Variants in PDGFD observed in about 807,000 individuals in gnomAD.
The protein encoded by PDGFD is platelet-derived growth factor D.
PDGFD carries 30 observed loss-of-function variants against 44.7 expected under a neutral mutation model. The ratio of observed to expected loss-of-function variants is 0.67; its 90% CI spans 0.50 to 0.91. PDGFD has a LOEUF of 0.91. Among genes scored for constraint, PDGFD ranks in the 40% least tolerant of loss-of-function variants. PDGFD has a pLI of 0.00. For synonymous variants in PDGFD, 173 were observed against 168.4 expected (o/e 1.03, Z -0.21); for missense variants, 445 against 457.8 (o/e 0.97, Z 0.25).
At chr11:103,938,579 T>A (rs1048455497) in intron 5 of PDGFD, among the ~76,000 whole-genome samples, 2 of 152,200 alleles carry the variant, frequency 1.3e-5, no homozygotes, top group Non-Finnish European at 2.9e-5. Context: ...TTTGTCAATT[T>A]TGGCTTTTGT....
intron 3 of PDGFD, among the ~76,000 whole-genome samples, chr11:103,962,885 A>C (rs1858961210): frequency 6.6e-6 from 1 of 152,094 alleles, no homozygotes; most frequent in African/African-American, 2.4e-5. Context: ...TTTCTAACAT[A>C]TTATTTTTTT....
At chr11:104,149,819 C>T (rs971705276) in intron 1 of PDGFD, among the ~76,000 whole-genome samples, 1 of 152,148 alleles carries the variant, frequency 6.6e-6, no homozygotes, top group South Asian at 2.1e-4. Context: ...AAACTTCACA[C>T]TGGACAGTGG....
At chr11:104,077,568 C>T (rs547666350) in intron 1 of PDGFD, among the ~76,000 whole-genome samples, 2 of 152,014 alleles carry the variant, frequency 1.3e-5, no homozygotes, top group South Asian at 4.2e-4. Context: ...GCAGAATATC[C>T]CTGTACAGAA....
At chr11:104,160,255 A>T (rs78358243) in intron 1 of PDGFD, among the ~76,000 whole-genome samples, 11,403 of 152,310 alleles carry the variant, frequency 0.075, 501 homozygotes, top group East Asian at 0.11. Flanking sequence ...ATACTATTAT[A>T]CTAACCAAAG....
chr11:103,967,581 C>A (rs1859039858), intron 3 of PDGFD, among the ~76,000 whole-genome samples: 1 of 152,192 alleles, frequency 6.6e-6, no homozygotes, highest in African/African-American at 2.4e-5. Flanking sequence ...TAGAGGCCCC[C>A]AAATTCATCA....
chr11:104,101,965 A>G (rs1017798111), intron 1 of PDGFD, among the ~76,000 whole-genome samples: 6 of 152,134 alleles, frequency 3.9e-5, no homozygotes, highest in African/African-American at 1.4e-4. Context: ...ACCTAAAACC[A>G]TAAAAACCCT....
intron 3 of PDGFD, among the ~76,000 whole-genome samples, chr11:103,964,480 T>C (rs1591097681): frequency 6.6e-6 from 1 of 152,206 alleles, no homozygotes; most frequent in Admixed American, 6.6e-5. Flanking sequence ...CTAGATCCCA[T>C]GTCTCCTGCC....
chr11:104,102,762 T>G (rs892126367), intron 1 of PDGFD, among the ~76,000 whole-genome samples: 3 of 152,002 alleles, frequency 2.0e-5, no homozygotes, highest in Admixed American at 6.6e-5. Context: ...AAAAGGATGA[T>G]TTCATGTCCT....
At chr11:103,954,735 C>T (rs546877993) in intron 3 of PDGFD, among the ~76,000 whole-genome samples, 37 of 152,270 alleles carry the variant, frequency 2.4e-4, no homozygotes, top group African/African-American at 7.0e-4. Context: ...AAATCCCTCT[C>T]CTAATTGTAT....
chr11:104,059,789 C>T (rs1023860206), intron 1 of PDGFD, among the ~76,000 whole-genome samples: 18 of 152,214 alleles, frequency 1.2e-4, no homozygotes, highest in African/African-American at 3.4e-4. Flanking sequence ...GATAGTACCC[C>T]TCTGACATTT....
intron 1 of PDGFD, among the ~76,000 whole-genome samples, chr11:104,151,696 C>A (rs977120955): frequency 1.2e-4 from 19 of 152,066 alleles, no homozygotes; most frequent in African/African-American, 4.1e-4. Flanking sequence ...AAAATTCGAA[C>A]ACACAAAAGA....
At chr11:104,071,778 C>CTAG (rs1295635323) in intron 1 of PDGFD, among the ~76,000 whole-genome samples, 1 of 151,444 alleles carries the variant, frequency 6.6e-6, no homozygotes, top group Non-Finnish European at 1.5e-5. Context: ...ATGCTTTTAT[C>CTAG]TAGTATTATA....
intron 1 of PDGFD, among the ~76,000 whole-genome samples, chr11:104,137,176 A>C (rs1251022848): frequency 6.6e-6 from 1 of 152,174 alleles, no homozygotes; most frequent in Non-Finnish European, 1.5e-5. Context: ...GTCCATTTTT[A>C]AATCTTTCTG....
At chr11:104,068,568 G>T (rs1341985056) in intron 1 of PDGFD, among the ~76,000 whole-genome samples, 17 of 152,096 alleles carry the variant, frequency 1.1e-4, no homozygotes, top group Admixed American at 1.1e-3. Context: ...ATCAGAAAGA[G>T]CTATCACAGC....
At chr11:104,011,995 A>G (rs1376085670) in intron 1 of PDGFD, among the ~76,000 whole-genome samples, 1 of 152,176 alleles carries the variant, frequency 6.6e-6, no homozygotes, top group Non-Finnish European at 1.5e-5. Flanking sequence ...AAAGCAGTAG[A>G]AATTATGAAA....
intron 6 of PDGFD, among the ~76,000 whole-genome samples, chr11:103,925,250 T>C (rs907728223): frequency 1.3e-5 from 2 of 152,206 alleles, no homozygotes; most frequent in African/African-American, 4.8e-5. Flanking sequence ...TTGTGAATAG[T>C]GCTGCAATAA....
chr11:104,136,805 A>G (rs1470077267), intron 1 of PDGFD, among the ~76,000 whole-genome samples: 1 of 152,194 alleles, frequency 6.6e-6, no homozygotes, highest in African/African-American at 2.4e-5. Context: ...CATCACTTTT[A>G]TATTTTATGA....
At chr11:103,940,667 T>C (rs1858569048) in intron 5 of PDGFD, among the ~76,000 whole-genome samples, 1 of 152,160 alleles carries the variant, frequency 6.6e-6, no homozygotes, top group South Asian at 2.1e-4. Flanking sequence ...ACTTCCCTTG[T>C]TTTTGTGATA....
chr11:103,991,209 C>T (rs896158341), intron 3 of PDGFD, among the ~76,000 whole-genome samples: 9 of 151,582 alleles, frequency 5.9e-5, no homozygotes, highest in Non-Finnish European at 1.3e-4. Context: ...GATAATATTG[C>T]TTTTGTTTTA....
Sources: gnomAD v4.1 joint callset for allele counts (sites outside exome capture counted in the v4.1 genomes callset) on GRCh38, gnomAD v4.1.1 for gene constraint, MANE v1.5 for transcripts, NCBI Gene and HGNC (gene_info 2026-07-23, HGNC 2026-07-21) for gene names.